CAMK2D: variants seen among roughly 807,000 people sequenced by gnomAD.
The protein encoded by CAMK2D is calcium/calmodulin dependent protein kinase II delta, also known as calcium/calmodulin-dependent protein kinase type II subunit delta.
Under a neutral mutation model 84.0 loss-of-function variants are expected in CAMK2D, and 37 were observed. That is an observed-to-expected ratio of 0.44 (90% confidence interval 0.34 to 0.58). The LOEUF is 0.58. Ranked by LOEUF, CAMK2D falls within the 20% of genes least tolerant of loss-of-function variation. CAMK2D has a pLI of 0.02. For synonymous variants in CAMK2D, 202 were observed against 212.5 expected (o/e 0.95, Z 0.43); for missense variants, 448 against 652.5 (o/e 0.69, Z 3.41).
At chr4:113,698,113 A>G (rs935411248) in intron 2 of CAMK2D, among the ~76,000 whole-genome samples, 1 of 152,090 alleles carries the variant, frequency 6.6e-6, no homozygotes, top group Non-Finnish European at 1.5e-5. Context: ...ATTAGCCTAC[A>G]TCATCTAGCA....
intron 16 of CAMK2D, among the ~76,000 whole-genome samples, chr4:113,495,021 C>T (rs1323027043): frequency 2.0e-5 from 3 of 152,202 alleles, no homozygotes; most frequent in South Asian, 4.1e-4. Flanking sequence ...CGCGCACCCA[C>T]TGACCTGCGC....
At chr4:113,536,259 T>C (rs991520144) in intron 7 of CAMK2D, among the ~76,000 whole-genome samples, 1 of 152,124 alleles carries the variant, frequency 6.6e-6, no homozygotes, top group African/African-American at 2.4e-5. Flanking sequence ...CAAGAATAAC[T>C]GTCAGGTACT....
chr4:113,600,953 A>G (rs1206546076), intron 4 of CAMK2D, among the ~76,000 whole-genome samples: 1 of 152,232 alleles, frequency 6.6e-6, no homozygotes, highest in Non-Finnish European at 1.5e-5. Context: ...AGATATGTTA[A>G]GAAGAAATCC....
intron 5 of CAMK2D, among the ~76,000 whole-genome samples, chr4:113,550,135 C>T (rs2098614293): frequency 6.6e-6 from 1 of 152,092 alleles, no homozygotes; most frequent in Non-Finnish European, 1.5e-5. Context: ...GGATTCAATT[C>T]TTAAATTTTT....
At chr4:113,742,252 C>T (rs758614219) in intron 2 of CAMK2D, among the ~76,000 whole-genome samples, 1 of 152,024 alleles carries the variant, frequency 6.6e-6, no homozygotes, top group African/African-American at 2.4e-5. Flanking sequence ...AAACAAAGTC[C>T]AAGAGTTACA....
chr4:113,710,951 A>C lies in CAMK2D; in HGVS notation c.160+48369T>G, dbSNP rs544659280. On this transcript the variant is annotated intron_variant, in intron 2 of 20. Coordinates refer to ENST00000511664, the MANE Select transcript of CAMK2D (RefSeq NM_001321571.2). Reference sequence around the variant, plus strand: ...GGACTAATTCTGGAATGTGTTCTACATAATAAATACTTTCTAGCTCAAACT... The same window carrying C: ...GGACTAATTCTGGAATGTGTTCTACCTAATAAATACTTTCTAGCTCAAACT... Among the ~76,000 whole-genome samples the C allele has an allele frequency of 2.0e-5, 3 of 152,248 alleles. No homozygotes were observed. In the East Asian group the frequency reaches 5.8e-4, roughly 29 times the overall value.
chr4:113,647,867 T>C (rs2099157943), intron 3 of CAMK2D, among the ~76,000 whole-genome samples: 1 of 152,222 alleles, frequency 6.6e-6, no homozygotes, highest in Non-Finnish European at 1.5e-5. Context: ...AAAAGGTCAC[T>C]GGAATAATCA....
chr4:113,655,050 T>C (rs2099192713), intron 3 of CAMK2D, among the ~76,000 whole-genome samples: 1 of 152,042 alleles, frequency 6.6e-6, no homozygotes, highest in Admixed American at 6.6e-5. Context: ...TTATTTAAAT[T>C]AATCGTCTTA....
At chr4:113,460,952 A>T (rs1198607416) in intron 17 of CAMK2D, among the ~76,000 whole-genome samples, 1 of 152,134 alleles carries the variant, frequency 6.6e-6, no homozygotes, top group Non-Finnish European at 1.5e-5. Context: ...GACCTCCCAA[A>T]GTATGGGATT....
At position 113,569,938 on chromosome 4, in the gene CAMK2D, A is replaced by G. The variant is rs151024525; in HGVS notation, c.276-17842T>C. On this transcript the variant is annotated intron_variant, in intron 4 of 20. Transcript: ENST00000511664. Reference sequence around the variant, plus strand: ...AGTTCTGCTAATAAACAAATTTAGTAAAGTTGCAGGATACAAAATCAGCAT... The same window carrying G: ...AGTTCTGCTAATAAACAAATTTAGTGAAGTTGCAGGATACAAAATCAGCAT... Among the ~76,000 whole-genome samples, 121 of 152,288 alleles carry G rather than the reference A, an allele frequency of 7.9e-4. 1 individual carries two copies. Among genetic ancestry groups the G allele is most frequent in the African/African-American group, 2.7e-3 (111 of 41,576 alleles).
At chr4:113,510,645 C>T (rs1410343862) in intron 12 of CAMK2D, among the ~76,000 whole-genome samples, 2 of 151,936 alleles carry the variant, frequency 1.3e-5, no homozygotes, top group Non-Finnish European at 2.9e-5. Flanking sequence ...GGACATGATA[C>T]ACACTTATGC....
chr4:113,500,322 A>T (rs1405682340), intron 16 of CAMK2D, 141 bp downstream of exon 16: 7 of 496,974 alleles, frequency 1.4e-5, no homozygotes, highest in African/African-American at 1.4e-4. Flanking sequence ...TTATAAAAAT[A>T]TTTTTTACTC....
At chr4:113,473,560 C>T (rs1208091684) in intron 16 of CAMK2D, among the ~76,000 whole-genome samples, 2 of 152,048 alleles carry the variant, frequency 1.3e-5, no homozygotes, top group Admixed American at 1.3e-4. Flanking sequence ...TTACTGTAAA[C>T]CTCTTTTATC....
chr4:113,662,679 C>A (rs1279900677), intron 2 of CAMK2D, among the ~76,000 whole-genome samples: 2 of 152,202 alleles, frequency 1.3e-5, no homozygotes, highest in Non-Finnish European at 2.9e-5. Flanking sequence ...TCGATTAATG[C>A]AAAGCCTCCA....
chr4:113,514,607 A>G (rs1207056903), intron 10 of CAMK2D, among the ~76,000 whole-genome samples: 1 of 152,178 alleles, frequency 6.6e-6, no homozygotes, highest in African/African-American at 2.4e-5. Context: ...ATTTCACACT[A>G]TTCTTCTTAA....
intron 4 of CAMK2D, among the ~76,000 whole-genome samples, chr4:113,583,787 A>AT (rs777240627): frequency 2.0e-5 from 3 of 151,792 alleles, no homozygotes; most frequent in Admixed American, 1.3e-4. Context: ...CACACATGTA[A>AT]TTTTTTTTTC....
Position 113,537,330 on chromosome 4 carries a change from G to A in CAMK2D, c.517+11C>T. On this transcript the variant is annotated intron_variant, in intron 7 of 20. Transcript: ENST00000511664. Reference sequence around the variant, plus strand: ...GACTATAGGTAGCATGAAGGAGGGGGCCCTACTCACCAAACCACGCCTGCT... The same window carrying A: ...GACTATAGGTAGCATGAAGGAGGGGACCCTACTCACCAAACCACGCCTGCT... The A allele has an allele frequency of 6.9e-7, 1 of 1,441,438 alleles. No homozygotes were observed. The highest frequency in any genetic ancestry group is 1.7e-5 in the Admixed American group (1 of 59,114). The allele number at this position is 1,441,438 out of a possible 1,614,324, so 89.3% of individuals were successfully genotyped here.
At chr4:113,620,859 TA>T (rs1241575304) in intron 3 of CAMK2D, among the ~76,000 whole-genome samples, 2 of 152,208 alleles carry the variant, frequency 1.3e-5, no homozygotes, top group Admixed American at 1.3e-4. Flanking sequence ...TTAAGAAATA[TA>T]ATTTTTGGTA....
intron 7 of CAMK2D, among the ~76,000 whole-genome samples, chr4:113,534,738 A>G (rs1257258265): frequency 6.6e-6 from 1 of 152,194 alleles, no homozygotes; most frequent in Non-Finnish European, 1.5e-5. Context: ...CATCCTTTAT[A>G]GCTCAATCAA....
Sources: allele counts gnomAD v4.1 joint callset (sites outside exome capture counted in the v4.1 genomes callset), GRCh38; gene constraint gnomAD v4.1.1; transcripts MANE v1.5; gene names NCBI Gene and HGNC (gene_info 2026-07-23, HGNC 2026-07-21).